The following SCMH1 variants were observed in gnomAD, a reference collection of about 807,000 sequenced individuals.
SCMH1 encodes polycomb protein SCMH1.
SCMH1 carries 37 observed loss-of-function variants against 70.8 expected under a neutral mutation model. The observed-to-expected ratio is 0.52, with a 90% CI of 0.40 to 0.69. The LOEUF is 0.69. Ranked by LOEUF, SCMH1 falls within the 30% of genes least tolerant of loss-of-function variation. SCMH1 has a pLI of 0.00. For synonymous variants in SCMH1, 292 were observed against 307.4 expected (o/e 0.95, Z 0.52); for missense variants, 607 against 827.3 (o/e 0.73, Z 3.27).
At chr1:41,234,088 G>A (rs1423560193) in intron 1 of SCMH1, among the ~76,000 whole-genome samples, 1 of 152,030 alleles carries the variant, frequency 6.6e-6, no homozygotes, top group Non-Finnish European at 1.5e-5. Flanking sequence ...TATCTGGAAG[G>A]GCTTCTTTCA....
chr1:41,131,106 A>AT (rs1466119946), intron 6 of SCMH1, among the ~76,000 whole-genome samples: 7 of 151,958 alleles, frequency 4.6e-5, no homozygotes, highest in Non-Finnish European at 8.8e-5. Context: ...GTCCAACTTC[A>AT]TTTTTTTCTA....
intron 8 of SCMH1, among the ~76,000 whole-genome samples, chr1:41,104,201 A>G (rs1463442221): frequency 6.6e-6 from 1 of 152,156 alleles, no homozygotes; most frequent in East Asian, 1.9e-4. Flanking sequence ...GGGGAGGCAG[A>G]CACTTGTCTA....
chr1:41,166,082 C>G (rs1469586748), intron 2 of SCMH1, among the ~76,000 whole-genome samples: 1 of 152,038 alleles, frequency 6.6e-6, no homozygotes, highest in Non-Finnish European at 1.5e-5. Flanking sequence ...ATCCAGTTTT[C>G]CCAATACCAC....
At position 41,161,234 on chromosome 1, in the gene SCMH1, A is replaced by C. The variant is rs17362097; in HGVS notation, c.82+130T>G. The C allele has an allele frequency of 1.2e-3, 1,711 of 1,412,062 alleles. 3 individuals are homozygous for C. Among genetic ancestry groups the C allele is most frequent in the Non-Finnish European group, 1.6e-3 (1,625 of 1,039,122 alleles). The allele number at this position is 1,412,062 out of a possible 1,614,324, so 87.5% of individuals were successfully genotyped here. On this transcript the variant is annotated intron_variant, in intron 3 of 14. Coordinates refer to ENST00000337495, the Ensembl canonical transcript of SCMH1. ...TATTGCTTATGACCAATACCTCTGTAAACTGCAATATTTGCTTCTGATATA... is the reference window on the plus strand; with the variant it reads ...TATTGCTTATGACCAATACCTCTGTCAACTGCAATATTTGCTTCTGATATA...
At chr1:41,136,476 C>T (rs976455552) in intron 6 of SCMH1, among the ~76,000 whole-genome samples, 1 of 151,298 alleles carries the variant, frequency 6.6e-6, no homozygotes, top group African/African-American at 2.4e-5. Context: ...CTCCCAGGTT[C>T]AAGTGATTCT....
chr1:41,160,459 A>C (rs1329955838), intron 4 of SCMH1, among the ~76,000 whole-genome samples: 1 of 152,228 alleles, frequency 6.6e-6, no homozygotes, highest in African/African-American at 2.4e-5. Context: ...CAATAAAGTT[A>C]GAAAATGTTT....
intron 1 of SCMH1, among the ~76,000 whole-genome samples, chr1:41,239,601 G>A (rs1485712026): frequency 6.6e-6 from 1 of 152,292 alleles, no homozygotes; most frequent in Admixed American, 6.5e-5. Context: ...TTGACCCATA[G>A]TAGGTACATA....
In SCMH1 at chr1:41,233,243, C is replaced by T. The variant is rs117333490; in HGVS notation, c.-118+8816G>A. On this transcript the variant is annotated intron_variant, in intron 1 of 14. Transcript: ENST00000337495. ...TATATATAAGCCATATAACTCTTTC[C>T]ACATACCATGCAGCTTATAAGGTCT... Among the ~76,000 whole-genome samples, 6 of 152,192 alleles carry T rather than the reference C, an allele frequency of 3.9e-5. No homozygotes were observed. In the East Asian group the frequency reaches 9.6e-4, roughly 24 times the overall value.
intron 2 of SCMH1, among the ~76,000 whole-genome samples, chr1:41,168,657 T>C (rs533146168): frequency 7.2e-6 from 1 of 138,336 alleles, no homozygotes; most frequent in East Asian, 2.2e-4. Flanking sequence ...TTTTTGGGAA[T>C]AGATTCTCTG....
At chr1:41,232,153 T>G (rs1439825041) in intron 1 of SCMH1, among the ~76,000 whole-genome samples, 3 of 152,168 alleles carry the variant, frequency 2.0e-5, no homozygotes, top group Non-Finnish European at 4.4e-5. Context: ...ATCTGTCACC[T>G]AAATAGTAAA....
intron 9 of SCMH1, among the ~76,000 whole-genome samples, chr1:41,074,834 G>A (rs1657713118): frequency 6.6e-6 from 1 of 152,298 alleles, no homozygotes. Context: ...CTTTCCAAGA[G>A]AGATGGGTAT....
intron 1 of SCMH1, among the ~76,000 whole-genome samples, chr1:41,195,334 A>G (rs1652779681): frequency 6.6e-6 from 1 of 152,072 alleles, no homozygotes; most frequent in Non-Finnish European, 1.5e-5. Flanking sequence ...AAATACTAGC[A>G]AACAAAATTT....
At chr1:41,238,246 C>T (rs1402973573) in intron 1 of SCMH1, among the ~76,000 whole-genome samples, 1 of 152,094 alleles carries the variant, frequency 6.6e-6, no homozygotes. Flanking sequence ...CACTAATGAT[C>T]ATCAGAGGAA....
chr1:41,088,029 TAC>T (rs1176747609), intron 8 of SCMH1, among the ~76,000 whole-genome samples: 3 of 151,108 alleles, frequency 2.0e-5, no homozygotes, highest in Non-Finnish European at 4.4e-5. Context: ...ATTGATTGTA[TAC>T]ACACACACAT....
exon 13 of SCMH1, chr1:41,037,541 C>T: frequency 1.2e-6 from 2 of 1,613,412 alleles, no homozygotes; most frequent in Non-Finnish European, 8.5e-7. Context: ...AAAGGTTTCA[C>T]CTGAAAAACA....
chr1:41,191,738 T>C (rs1028528497), intron 1 of SCMH1, among the ~76,000 whole-genome samples: 1 of 152,200 alleles, frequency 6.6e-6, no homozygotes, highest in African/African-American at 2.4e-5. Context: ...GCATACAATA[T>C]ATATGTATTT....
intron 6 of SCMH1, among the ~76,000 whole-genome samples, chr1:41,136,940 C>G (rs1557609534): frequency 1.3e-5 from 2 of 151,852 alleles, no homozygotes. Context: ...CCATGCTGGG[C>G]TAATTTTTAA....
chr1:41,047,382 A>G (rs996379164), intron 11 of SCMH1, among the ~76,000 whole-genome samples: 1 of 146,858 alleles, frequency 6.8e-6, no homozygotes, highest in Non-Finnish European at 1.5e-5. Flanking sequence ...TTTCCCAGGC[A>G]CTTCCCAGTC....
intron 1 of SCMH1, among the ~76,000 whole-genome samples, chr1:41,223,980 C>T (rs1659777691): frequency 6.6e-6 from 1 of 152,110 alleles, no homozygotes; most frequent in Non-Finnish European, 1.5e-5. Context: ...TGATCCAGCC[C>T]TTGCCTACCC....
Sources: gnomAD v4.1 joint callset for allele counts (sites outside exome capture counted in the v4.1 genomes callset) on GRCh38, gnomAD v4.1.1 for gene constraint, MANE v1.5 for transcripts, NCBI Gene and HGNC (gene_info 2026-07-23, HGNC 2026-07-21) for gene names.